Variants in USP25 observed in about 807,000 individuals in gnomAD.
USP25 encodes ubiquitin carboxyl-terminal hydrolase 25.
Under a neutral mutation model 158.5 loss-of-function variants are expected in USP25, and 85 were observed. The ratio of observed to expected loss-of-function variants is 0.54; its 90% CI spans 0.45 to 0.64. The LOEUF (loss-of-function observed/expected upper bound fraction) is 0.64, where lower values mean the gene tolerates loss of function less well. Ranked by LOEUF, USP25 falls within the 30% of genes least tolerant of loss-of-function variation. USP25 has a pLI of 0.00. For missense variants in USP25, 1,242 were observed against 1,327.3 expected, an observed-to-expected ratio of 0.94 and a Z score of 1.00; for synonymous variants, 464 against 460.4, an observed-to-expected ratio of 1.01 and a Z score of -0.10.
intron 14 of USP25, among the ~76,000 whole-genome samples, chr21:15,829,855 A>AG (rs2146381809): frequency 6.6e-6 from 1 of 152,244 alleles, no homozygotes; most frequent in East Asian, 1.9e-4. Context: ...GACAGGCTTA[A>AG]GACAGGTCTT....
intron 4 of USP25, among the ~76,000 whole-genome samples, chr21:15,787,727 C>T (rs1481153281): frequency 6.6e-6 from 1 of 151,630 alleles, no homozygotes; most frequent in Non-Finnish European, 1.5e-5. Context: ...TTACCCGCCG[C>T]CCCCTTTTTT....
Position 15,833,553 on chromosome 21 carries a change from G to C in USP25, c.2194+5G>C. On this transcript the variant is annotated splice_donor_5th_base_variant and intron_variant, in intron 17 of 25. Transcript: ENST00000400183. ...CAGAGACTTCTGTGACAACAGGTTT[G>C]TCCATTTTTATTAAGTTGTGTTTGA... The C allele has an allele frequency of 1.2e-6, 2 of 1,608,434 alleles. No homozygotes were observed. Among genetic ancestry groups the C allele is most frequent in the South Asian group, 2.2e-5 (2 of 89,660 alleles).
intron 7 of USP25, among the ~76,000 whole-genome samples, chr21:15,807,905 C>T (rs540797278): frequency 8.5e-5 from 13 of 152,274 alleles, no homozygotes; most frequent in Admixed American, 2.0e-4. Flanking sequence ...TTTTGCGTTG[C>T]GTTTAGTCCT....
At position 15,811,169 on chromosome 21, in the gene USP25, A is replaced by AG; in HGVS notation, c.891dup (p.Leu298ValfsTer13). 8 of 1,612,988 alleles carry AG rather than the reference A, an allele frequency of 5.0e-6. No homozygotes were observed. The highest frequency in any genetic ancestry group is 6.8e-6 in the Non-Finnish European group (8 of 1,179,586). On this transcript the variant is annotated frameshift_variant, in exon 9 of 26. Coordinates refer to ENST00000400183, the MANE Select transcript of USP25 (RefSeq NM_001283041.3). LOFTEE classifies it high-confidence loss of function. ...GAGAAGCCAAAGAACCCCATGGTAG[A>AG]GTTGTTCTATGGCAGATTCCTGGCT... is the stretch of plus-strand genomic sequence containing the variant.
chr21:15,825,704 G>T (rs917458083), intron 12 of USP25, among the ~76,000 whole-genome samples: 1 of 152,070 alleles, frequency 6.6e-6, no homozygotes, highest in Non-Finnish European at 1.5e-5. Context: ...ACCCCAATCT[G>T]CTCTGCATTC....
chr21:15,734,950 A>G (rs1476852695), intron 1 of USP25, among the ~76,000 whole-genome samples: 1 of 152,150 alleles, frequency 6.6e-6, no homozygotes. Context: ...AATCTTTCCA[A>G]CCACCTTATG....
At chr21:15,770,849 G>A (rs994570946) in intron 3 of USP25, among the ~76,000 whole-genome samples, 8 of 152,270 alleles carry the variant, frequency 5.3e-5, no homozygotes, top group African/African-American at 1.7e-4. Flanking sequence ...TGAAAGAATA[G>A]GAACATCTGA....
At chr21:15,857,630 A>G (rs1350395968) in intron 20 of USP25, among the ~76,000 whole-genome samples, 3 of 152,044 alleles carry the variant, frequency 2.0e-5, no homozygotes, top group Non-Finnish European at 4.4e-5. Flanking sequence ...TTCTAAGACA[A>G]TTGATTCATC....
chr21:15,759,902 A>T (rs2123382150), intron 1 of USP25, among the ~76,000 whole-genome samples: 1 of 152,316 alleles, frequency 6.6e-6, no homozygotes, highest in Admixed American at 6.5e-5. Flanking sequence ...CGGCTCTGTA[A>T]ATTTGGCAGT....
At chr21:15,797,078 A>G (rs183025115) in intron 5 of USP25, among the ~76,000 whole-genome samples, 4 of 151,580 alleles carry the variant, frequency 2.6e-5, no homozygotes, top group Admixed American at 2.6e-4. Flanking sequence ...CTGGTAAATT[A>G]ATCTGGAGAA....
At chr21:15,755,806 A>G (rs2033335437) in intron 1 of USP25, among the ~76,000 whole-genome samples, 1 of 152,206 alleles carries the variant, frequency 6.6e-6, no homozygotes. Flanking sequence ...AGCTACAAAA[A>G]AAATATGAGG....
intron 1 of USP25, among the ~76,000 whole-genome samples, chr21:15,734,682 A>G (rs1024665825): frequency 1.2e-4 from 18 of 152,284 alleles, no homozygotes; most frequent in African/African-American, 3.4e-4. Flanking sequence ...TTACTTTAAG[A>G]TGACAGAATG....
intron 1 of USP25, among the ~76,000 whole-genome samples, chr21:15,739,060 C>A (rs1168550408): frequency 6.6e-6 from 1 of 152,152 alleles, no homozygotes; most frequent in Non-Finnish European, 1.5e-5. Context: ...TTGCTGATGC[C>A]CCCAGCCGAA....
chr21:15,869,148 A>G (rs759670215), intron 22 of USP25, among the ~76,000 whole-genome samples: 3 of 151,988 alleles, frequency 2.0e-5, no homozygotes, highest in Non-Finnish European at 2.9e-5. Flanking sequence ...CTTGGGAGAC[A>G]GAGGTAGGAG....
intron 19 of USP25, among the ~76,000 whole-genome samples, chr21:15,849,086 G>C (rs921762333): frequency 6.6e-6 from 1 of 152,046 alleles, no homozygotes; most frequent in Admixed American, 6.6e-5. Context: ...ATGGGAACTG[G>C]CATGTTTTTA....
intron 23 of USP25, among the ~76,000 whole-genome samples, chr21:15,872,463 T>C (rs1172711739): frequency 6.6e-6 from 1 of 152,188 alleles, no homozygotes; most frequent in Admixed American, 6.5e-5. Context: ...TCAGGAGAGA[T>C]CTTCTTAACA....
At chr21:15,856,529 T>C (rs1384609153) in intron 20 of USP25, among the ~76,000 whole-genome samples, 1 of 151,996 alleles carries the variant, frequency 6.6e-6, no homozygotes, top group Non-Finnish European at 1.5e-5. Context: ...TGGAGTGCAG[T>C]GGCGCAGTCT....
In USP25 at chr21:15,826,350, CACAGACATT is replaced by C; in HGVS notation, c.1454_1462del (p.Gln485_Leu487del). 6.2e-7 allele frequency: 1 copy of C among 1,613,910 alleles called. No individual in the cohort carries two copies. The highest frequency in any genetic ancestry group is 8.5e-7 in the Non-Finnish European group (1 of 1,179,894). ...TCCCCACCTAGTGGTTCCATACCAT[CACAGACATT>C]ACCAAGGTAAAAAGTAATCCTGATG... is the stretch of plus-strand genomic sequence containing the variant. On this transcript the variant is annotated inframe_deletion, in exon 13 of 26. Coordinates refer to ENST00000400183, the MANE Select transcript of USP25 (RefSeq NM_001283041.3). The surrounding 1 kb of genome is among the most constrained non-coding windows in gnomAD (Gnocchi z 4.8).
At chr21:15,857,642 G>A (rs2823510) in intron 20 of USP25, among the ~76,000 whole-genome samples, 34,471 of 151,804 alleles carry the variant, frequency 0.23, 5,488 homozygotes, top group African/African-American at 0.46. Flanking sequence ...TGATTCATCT[G>A]TAATTTGCAA....
Sources: allele counts gnomAD v4.1 joint callset (sites outside exome capture counted in the v4.1 genomes callset), GRCh38; gene constraint gnomAD v4.1.1; non-coding constraint Gnocchi (gnomAD v3.1); transcripts MANE v1.5; gene names NCBI Gene and HGNC (gene_info 2026-07-23, HGNC 2026-07-21).